Variants in ACTN4 observed in about 807,000 individuals in gnomAD.
The protein encoded by ACTN4 is actinin alpha 4, also known as alpha-actinin-4.
Under a neutral mutation model 114.2 loss-of-function variants are expected in ACTN4, and 18 were observed. That is an observed-to-expected ratio of 0.16 (90% confidence interval 0.11 to 0.23). The LOEUF (loss-of-function observed/expected upper bound fraction) is 0.23. Ranked by LOEUF, ACTN4 falls within the 10% of genes least tolerant of loss-of-function variation. The probability of loss-of-function intolerance (pLI) is 1.00; values close to 1 mark genes in which losing one functional copy is unlikely to be tolerated. For missense variants in ACTN4, 722 were observed against 1,262.9 expected (o/e 0.57, Z 6.49); for synonymous variants, 515 against 506.3 (o/e 1.02, Z -0.23).
chr19:38,693,903 T>A (rs925095416), intron 1 of ACTN4, among the ~76,000 whole-genome samples: 1 of 152,220 alleles, frequency 6.6e-6, no homozygotes, highest in Non-Finnish European at 1.5e-5. Flanking sequence ...CCAACTCAAC[T>A]GACAAGCTTG....
At chr19:38,656,742 A>G (rs1405955630) in intron 1 of ACTN4, among the ~76,000 whole-genome samples, 1 of 152,210 alleles carries the variant, frequency 6.6e-6, no homozygotes, top group Non-Finnish European at 1.5e-5. Context: ...GGCAGGAATA[A>G]AGAAGACTTT....
chr19:38,659,921 C>CTTTT (rs3033328), intron 1 of ACTN4, among the ~76,000 whole-genome samples: 5 of 132,028 alleles, frequency 3.8e-5, no homozygotes, highest in Admixed American at 1.6e-4. Context: ...TCTATATGAT[C>CTTTT]TTTTTTTTTT....
At chr19:38,697,658 C>T (rs1398588279) in intron 1 of ACTN4, among the ~76,000 whole-genome samples, 1 of 152,254 alleles carries the variant, frequency 6.6e-6, no homozygotes, top group Admixed American at 6.5e-5. Flanking sequence ...GTGCTGTTTG[C>T]ACGCGTGCGT....
chr19:38,720,175 C>G (rs138861118), intron 11 of ACTN4, among the ~76,000 whole-genome samples: 63 of 152,346 alleles, frequency 4.1e-4, no homozygotes, highest in African/African-American at 1.5e-3. Context: ...ACTCCACACC[C>G]CTCACCATCC....
chr19:38,673,473 AT>A (rs1428396137), intron 1 of ACTN4, among the ~76,000 whole-genome samples: 31 of 53,718 alleles, frequency 5.8e-4, no homozygotes, highest in South Asian at 1.6e-3. Flanking sequence ...ATTTATATAT[AT>A]TTATATATAT....
intron 1 of ACTN4, among the ~76,000 whole-genome samples, chr19:38,659,298 A>G (rs925050253): frequency 1.3e-5 from 2 of 151,758 alleles, no homozygotes; most frequent in Admixed American, 6.6e-5. Context: ...TGACCTCGTA[A>G]TGCCCACCTA....
chr19:38,717,537 G>A lies in ACTN4; in HGVS notation c.1143+221G>A, dbSNP rs983165325. On this transcript the variant is annotated intron_variant, in intron 10 of 20. Coordinates refer to ENST00000252699, the MANE Select transcript of ACTN4 (RefSeq NM_004924.6). The surrounding 1 kb of genome is among the most constrained non-coding windows in gnomAD (Gnocchi z 4.0). ...GTATTTTACACCCAGGGTTTTATAC[G>A]CATCCCAAATCCTTGCCACGGGTTG... Among the ~76,000 whole-genome samples, 3 of 152,126 alleles carry A rather than the reference G, an allele frequency of 2.0e-5. No homozygotes were observed. The highest frequency in any genetic ancestry group is 2.9e-5 in the Non-Finnish European group (2 of 68,030).
intron 1 of ACTN4, among the ~76,000 whole-genome samples, chr19:38,661,038 G>A (rs1250910584): frequency 6.6e-6 from 1 of 152,174 alleles, no homozygotes; most frequent in Non-Finnish European, 1.5e-5. Flanking sequence ...AACCAAGCAA[G>A]GGGGCCCCCG....
At chr19:38,673,549 A>G (rs1172661620) in intron 1 of ACTN4, among the ~76,000 whole-genome samples, 1 of 101,100 alleles carries the variant, frequency 9.9e-6, no homozygotes, top group Admixed American at 1.2e-4. Context: ...ATATATATTT[A>G]TATATACTTA....
In ACTN4 at chr19:38,724,342, G is replaced by A. The variant is rs1418133534; in HGVS notation, c.1875+3G>A. On this transcript the variant is annotated splice_donor_region_variant and intron_variant, in intron 15 of 20. Coordinates refer to ENST00000252699, the MANE Select transcript of ACTN4 (RefSeq NM_004924.6). This position sits in a 1 kb window ranked among gnomAD's most constrained non-coding sequence, Gnocchi z 7.0. ...TCATCAACTCCAAGTGGGAGAAGGT[G>A]GGCCGGGGCCATCCGTAGGGGCTGG... 1.2e-6 allele frequency: 2 copies of A among 1,613,292 alleles called. No homozygotes were observed. The highest frequency in any genetic ancestry group is 3.3e-5 in the Admixed American group (2 of 59,994).
In ACTN4 at chr19:38,717,071, T is replaced by C; in HGVS notation, c.913-15T>C. The C allele has an allele frequency of 6.2e-7, 1 of 1,609,218 alleles. No homozygotes were observed. The highest frequency in any genetic ancestry group is 8.5e-7 in the Non-Finnish European group (1 of 1,177,768). Reference sequence around the variant, plus strand: ...GGTCCCCCACAAAGGCCACGCTGGCTTCTGTGGCCCACAGCTCCTGGAGTG... The same window carrying C: ...GGTCCCCCACAAAGGCCACGCTGGCCTCTGTGGCCCACAGCTCCTGGAGTG... On this transcript the variant is annotated splice_polypyrimidine_tract_variant and intron_variant, in intron 9 of 20. Transcript: ENST00000252699. This position sits in a 1 kb window ranked among gnomAD's most constrained non-coding sequence, Gnocchi z 4.0.
intron 1 of ACTN4, among the ~76,000 whole-genome samples, chr19:38,698,778 G>A (rs985804028): frequency 2.0e-5 from 3 of 152,204 alleles, no homozygotes; most frequent in African/African-American, 4.8e-5. Context: ...GTCCACTCTT[G>A]CCCCCTTTCG....
intron 1 of ACTN4, among the ~76,000 whole-genome samples, chr19:38,655,826 T>C (rs560303001): frequency 6.6e-6 from 1 of 152,368 alleles, no homozygotes; most frequent in South Asian, 2.1e-4. Context: ...ATTTGCATTT[T>C]AACTATGCAC....
At chr19:38,671,907 G>T (rs1038125743) in intron 1 of ACTN4, among the ~76,000 whole-genome samples, 1 of 152,182 alleles carries the variant, frequency 6.6e-6, no homozygotes, top group African/African-American at 2.4e-5. Flanking sequence ...CTGGCCTTGA[G>T]TCCTTAGATG....
intron 1 of ACTN4, among the ~76,000 whole-genome samples, chr19:38,668,446 G>A (rs2144873238): frequency 6.6e-6 from 1 of 152,306 alleles, no homozygotes; most frequent in South Asian, 2.1e-4. Flanking sequence ...CCAGCACTTT[G>A]GGAGGCCAAG....
chr19:38,660,973 G>A (rs1976867257), intron 1 of ACTN4, among the ~76,000 whole-genome samples: 1 of 151,988 alleles, frequency 6.6e-6, no homozygotes, highest in African/African-American at 2.4e-5. Flanking sequence ...GTTCCTTAAC[G>A]GATGAGAAAG....
chr19:38,723,854 C>T (rs1969132893), intron 13 of ACTN4, 83 bp from the exon 14 acceptor site: 9 of 1,534,298 alleles, frequency 5.9e-6, no homozygotes, highest in Admixed American at 5.5e-5. Flanking sequence ...TCCTCAGGGC[C>T]CTCTGGACCC....
chr19:38,703,191 C>G (rs1278786902), intron 3 of ACTN4, among the ~76,000 whole-genome samples: 1 of 151,480 alleles, frequency 6.6e-6, no homozygotes, highest in Non-Finnish European at 1.5e-5. Flanking sequence ...GTTACTGAGG[C>G]TGAAGAAGGT....
chr19:38,666,653 A>G (rs1966971879), intron 1 of ACTN4, among the ~76,000 whole-genome samples: 1 of 152,234 alleles, frequency 6.6e-6, no homozygotes, highest in Admixed American at 6.5e-5. Flanking sequence ...CTTGCCTCTG[A>G]GATGAGCAGT....
Sources: allele counts gnomAD v4.1 joint callset (sites outside exome capture counted in the v4.1 genomes callset), GRCh38; gene constraint gnomAD v4.1.1; non-coding constraint Gnocchi (gnomAD v3.1); transcripts MANE v1.5; gene names NCBI Gene and HGNC (gene_info 2026-07-23, HGNC 2026-07-21).